The following THRB variants were observed in gnomAD, a reference collection of about 807,000 sequenced individuals.
THRB encodes the protein nuclear receptor subfamily 1 group A member 2.
In THRB, 12 loss-of-function variants were observed where a neutral mutation model predicts 47.8. That is an observed-to-expected ratio of 0.25 (90% CI 0.16 to 0.41). The LOEUF is 0.41. Among genes scored for constraint, THRB ranks in the 10% least tolerant of loss-of-function variants. The pLI is 1.00. For missense variants in THRB, 348 were observed against 589.2 expected, an observed-to-expected ratio of 0.59 and a Z score of 4.24; for synonymous variants, 218 against 212.2, an observed-to-expected ratio of 1.03 and a Z score of -0.24.
chr3:24,211,307 T>G lies in THRB; in HGVS notation c.22+17631A>C, dbSNP rs145943269. On this transcript the variant is annotated intron_variant, in intron 4 of 10. Coordinates refer to ENST00000646209, the MANE Select transcript of THRB (RefSeq NM_001354712.2). ...GGTGCTTGTGATATATAATCATGAA[T>G]GCTTTTTTCTTACAAGCAATGATTT... is the stretch of plus-strand genomic sequence containing the variant. 1.8e-4 allele frequency among the ~76,000 whole-genome samples: 28 copies of G among 152,284 alleles called. No individual in the cohort carries two copies. In the East Asian group the frequency reaches 5.4e-3, roughly 29 times the overall value.
chr3:24,259,279 G>A (rs1266523125), intron 3 of THRB, among the ~76,000 whole-genome samples: 3 of 152,132 alleles, frequency 2.0e-5, no homozygotes, highest in Admixed American at 6.6e-5. Flanking sequence ...AAGCAAGTAG[G>A]TGGCGGCATT....
At chr3:24,169,957 T>C (rs2040210768) in intron 5 of THRB, among the ~76,000 whole-genome samples, 1 of 152,136 alleles carries the variant, frequency 6.6e-6, no homozygotes. Flanking sequence ...GAGAAAAAGT[T>C]TGCCAAGCCC....
intron 3 of THRB, among the ~76,000 whole-genome samples, chr3:24,233,584 A>AAAGAAAGAAAGAAAGAAGG (rs2048513049): frequency 1.8e-5 from 2 of 111,350 alleles, no homozygotes; most frequent in South Asian, 6.8e-4. Context: ...AGAAAGAAAG[A>AAAGAAAGAAAGAAAGAAGG]AAGAAAGAAA....
chr3:24,460,473 G>T (rs1209128887), intron 1 of THRB, among the ~76,000 whole-genome samples: 1 of 152,140 alleles, frequency 6.6e-6, no homozygotes, highest in African/African-American at 2.4e-5. Context: ...TTTTGAACCA[G>T]ATTTCTTTGT....
At chr3:24,292,295 C>T (rs1473435290) in intron 3 of THRB, among the ~76,000 whole-genome samples, 15 of 152,124 alleles carry the variant, frequency 9.9e-5, no homozygotes, top group Admixed American at 9.8e-4. Context: ...TTCTGAACTG[C>T]TCAATGTTAT....
chr3:24,285,968 G>A (rs1004380805), intron 3 of THRB, among the ~76,000 whole-genome samples: 2 of 152,186 alleles, frequency 1.3e-5, no homozygotes, highest in Admixed American at 6.5e-5. Context: ...GGTTAGATTA[G>A]GTCTGAGGGT....
intron 3 of THRB, among the ~76,000 whole-genome samples, chr3:24,239,963 A>G (rs2049317911): frequency 6.6e-6 from 1 of 152,184 alleles, no homozygotes; most frequent in Non-Finnish European, 1.5e-5. Context: ...ACAGCTTGAC[A>G]GGTGGATTTG....
At chr3:24,291,303 T>C (rs2055894397) in intron 3 of THRB, among the ~76,000 whole-genome samples, 1 of 152,200 alleles carries the variant, frequency 6.6e-6, no homozygotes, top group Non-Finnish European at 1.5e-5. Flanking sequence ...TTCCTTTTAT[T>C]AGCAAATGAC....
intron 1 of THRB, among the ~76,000 whole-genome samples, chr3:24,417,140 G>A (rs1041146009): frequency 4.0e-5 from 5 of 125,080 alleles, no homozygotes. Context: ...ACACACACAC[G>A]CGCAACGCGT....
intron 8 of THRB, 124 bp from the exon 9 acceptor site, chr3:24,133,586 C>G: frequency 1.1e-6 from 1 of 892,510 alleles, no homozygotes. Context: ...GTTTTCACAT[C>G]ATTTGTTAAC....
chr3:24,295,719 T>C (rs1382993120), intron 3 of THRB, among the ~76,000 whole-genome samples: 3 of 152,196 alleles, frequency 2.0e-5, no homozygotes, highest in African/African-American at 4.8e-5. Context: ...TGAGGCCAGC[T>C]TGGGGTTCCT....
chr3:24,272,557 A>C (rs2053465629), intron 3 of THRB, among the ~76,000 whole-genome samples: 1 of 152,140 alleles, frequency 6.6e-6, no homozygotes, highest in African/African-American at 2.4e-5. Context: ...AAGGATACTG[A>C]TACTACCTTA....
intron 3 of THRB, among the ~76,000 whole-genome samples, chr3:24,288,642 G>T (rs1345538553): frequency 1.3e-5 from 2 of 152,194 alleles, no homozygotes; most frequent in African/African-American, 4.8e-5. Flanking sequence ...GCCGATATAA[G>T]CAAGCCTGTG....
intron 1 of THRB, among the ~76,000 whole-genome samples, chr3:24,478,237 A>G (rs1695784820): frequency 6.6e-6 from 1 of 152,180 alleles, no homozygotes; most frequent in African/African-American, 2.4e-5. Context: ...TATTGATAAA[A>G]TAAAAATATT....
chr3:24,222,078 G>A (rs2047211474), intron 4 of THRB, among the ~76,000 whole-genome samples: 3 of 152,282 alleles, frequency 2.0e-5, no homozygotes, highest in Admixed American at 2.0e-4. Context: ...TAAAGAAAAA[G>A]GTGATGTATT....
At chr3:24,360,981 A>C (rs2064022692) in intron 1 of THRB, among the ~76,000 whole-genome samples, 1 of 152,182 alleles carries the variant, frequency 6.6e-6, no homozygotes, top group Non-Finnish European at 1.5e-5. Flanking sequence ...GTTGAAAACC[A>C]CTGGGTTGGC....
At chr3:24,424,843 T>C (rs552775631) in intron 1 of THRB, among the ~76,000 whole-genome samples, 13 of 152,120 alleles carry the variant, frequency 8.5e-5, no homozygotes, top group Non-Finnish European at 1.8e-4. Flanking sequence ...TGCAATGTTA[T>C]TAACATTTGA....
chr3:24,493,321 T>G (rs1698466551), intron 1 of THRB, among the ~76,000 whole-genome samples: 1 of 152,270 alleles, frequency 6.6e-6, no homozygotes, highest in African/African-American at 2.4e-5. Context: ...TTTATTTCTT[T>G]GCAGTGCATT....
intron 1 of THRB, among the ~76,000 whole-genome samples, chr3:24,391,631 T>C (rs1166983895): frequency 6.6e-6 from 1 of 152,178 alleles, no homozygotes; most frequent in Non-Finnish European, 1.5e-5. Flanking sequence ...AGGGCATTCA[T>C]TTCCATTTAA....
Sources: gnomAD v4.1 joint callset for allele counts (sites outside exome capture counted in the v4.1 genomes callset) on GRCh38, gnomAD v4.1.1 for gene constraint, MANE v1.5 for transcripts, NCBI Gene and HGNC (gene_info 2026-07-23, HGNC 2026-07-21) for gene names.